CDH10: variants seen among roughly 807,000 people sequenced by gnomAD.
CDH10 encodes cadherin 10, also known as cadherin-10.
In CDH10, 30 loss-of-function variants were observed where a neutral mutation model predicts 73.1. The observed-to-expected ratio is 0.41, with a 90% CI of 0.31 to 0.56. The LOEUF is 0.56. Ranked by LOEUF, CDH10 falls within the 20% of genes least tolerant of loss-of-function variation. The probability of loss-of-function intolerance (pLI) is 0.27; values close to 1 mark genes in which losing one functional copy is unlikely to be tolerated. For missense variants in CDH10, 815 were observed against 973.7 expected, an observed-to-expected ratio of 0.84 and a Z score of 2.17; for synonymous variants, 345 against 348.2, an observed-to-expected ratio of 0.99 and a Z score of 0.10.
intron 2 of CDH10, among the ~76,000 whole-genome samples, chr5:24,573,677 G>C (rs1363523408): frequency 6.8e-6 from 1 of 146,362 alleles, no homozygotes; most frequent in Admixed American, 6.9e-5. Context: ...GTCCAGCCTG[G>C]GCGACAGAGC....
intron 6 of CDH10, 42 bp downstream of exon 6, chr5:24,511,285 T>C (rs1207450816): frequency 8.0e-7 from 1 of 1,244,168 alleles, no homozygotes; most frequent in South Asian, 1.3e-5. Context: ...CAATCCCTAC[T>C]CCTGAAACAC....
chr5:24,527,784 C>T (rs965514598), intron 5 of CDH10, among the ~76,000 whole-genome samples: 2 of 151,514 alleles, frequency 1.3e-5, no homozygotes, highest in East Asian at 1.9e-4. Context: ...TGTATAGTTA[C>T]AAAAGCAAGC....
At chr5:24,524,533 G>T (rs1476260498) in intron 5 of CDH10, among the ~76,000 whole-genome samples, 6 of 151,976 alleles carry the variant, frequency 3.9e-5, no homozygotes, top group Non-Finnish European at 8.8e-5. Context: ...TAATTATGTG[G>T]TACGCTTTCC....
At chr5:24,630,548 C>CT (rs1747669028) in intron 1 of CDH10, among the ~76,000 whole-genome samples, 1 of 75,092 alleles carries the variant, frequency 1.3e-5, no homozygotes, top group East Asian at 5.0e-4. Context: ...AAGAGATCAT[C>CT]TTAAAAAAAA....
At chr5:24,552,344 A>G (rs74855649) in intron 2 of CDH10, among the ~76,000 whole-genome samples, 2,236 of 152,152 alleles carry the variant, frequency 0.015, 55 homozygotes, top group African/African-American at 0.047. Context: ...AAATTGAAGA[A>G]AGGTCATTAT....
At chr5:24,634,106 C>T (rs1179077569) in intron 1 of CDH10, among the ~76,000 whole-genome samples, 2 of 151,736 alleles carry the variant, frequency 1.3e-5, no homozygotes, top group Middle Eastern at 3.2e-3. Context: ...TTCAAAAAAA[C>T]ACATGAAATG....
chr5:24,498,229 TA>T (rs1357296426), intron 9 of CDH10, among the ~76,000 whole-genome samples, 168 bp downstream of exon 9: 1 of 152,222 alleles, frequency 6.6e-6, no homozygotes, highest in East Asian at 1.9e-4. Flanking sequence ...TATATGGTTT[TA>T]AAAATATTTT....
intron 2 of CDH10, among the ~76,000 whole-genome samples, chr5:24,588,464 A>T (rs1431990131): frequency 6.6e-6 from 1 of 152,172 alleles, no homozygotes; most frequent in African/African-American, 2.4e-5. Context: ...GTCTCATTTC[A>T]GTTATGAAGT....
At position 24,537,449 on chromosome 5, in the gene CDH10, T is replaced by C. The variant is rs1743998586; in HGVS notation, c.457A>G (p.Ile153Val). ...ESEFVIKIHD[I>V]NDNEPTFPEE... is the part of the protein sequence containing the mutation. ...GGGAACGTTGGCTCATTGTCATTGA[T>C]ATCATGAATTTTGATCACAAACTCT... The change falls in exon 3 of 12, where the codon ATC (isoleucine) becomes GTC (valine). Residue 153 changes from isoleucine (I) to valine (V), a missense_variant. By Grantham distance (29) the Ile-to-Val change is conservative (BLOSUM62 3). Around this residue, in one of 3 missense-constraint regions of CDH10, gnomAD observed 516 missense variants for 636.6 expected, o/e 0.81. Transcript: ENST00000264463. The C allele has an allele frequency of 1.2e-6, 2 of 1,612,490 alleles. No individual in the cohort carries two copies.
chr5:24,521,888 C>A (rs13188622), intron 5 of CDH10, among the ~76,000 whole-genome samples: 1 of 151,904 alleles, frequency 6.6e-6, no homozygotes, highest in South Asian at 2.1e-4. Context: ...ATAATCCCAG[C>A]ACTTTGGGAG....
chr5:24,608,418 G>A (rs112635854), intron 1 of CDH10, among the ~76,000 whole-genome samples: 4,794 of 151,890 alleles, frequency 0.032, 140 homozygotes, highest in East Asian at 0.097. Flanking sequence ...TCAGCCTCCC[G>A]AGTAACTGGG....
At chr5:24,517,324 C>T (rs369690164) in intron 5 of CDH10, among the ~76,000 whole-genome samples, 1 of 152,106 alleles carries the variant, frequency 6.6e-6, no homozygotes, top group South Asian at 2.1e-4. Flanking sequence ...AAACACTGGT[C>T]AGTAATACCA....
chr5:24,527,872 CTGTG>C (rs927803534), intron 5 of CDH10, among the ~76,000 whole-genome samples: 2 of 151,486 alleles, frequency 1.3e-5, no homozygotes, highest in African/African-American at 2.4e-5. Flanking sequence ...GTACGTGTGT[CTGTG>C]TGTATCAGAG....
At chr5:24,644,504 T>A (rs917127411) in intron 1 of CDH10, 90 bp downstream of exon 1, 1 of 151,862 alleles carries the variant, frequency 6.6e-6, no homozygotes, top group African/African-American at 2.4e-5. Context: ...AAAACAAACA[T>A]TTATCTCCTC....
chr5:24,599,378 T>C (rs1028691527), intron 1 of CDH10, among the ~76,000 whole-genome samples: 8 of 152,132 alleles, frequency 5.3e-5, no homozygotes, highest in African/African-American at 1.9e-4. Flanking sequence ...CCAAGATGGT[T>C]TGTCATTGTT....
At chr5:24,500,328 G>C (rs1218027512) in intron 8 of CDH10, among the ~76,000 whole-genome samples, 2 of 152,222 alleles carry the variant, frequency 1.3e-5, no homozygotes, top group African/African-American at 4.8e-5. Context: ...AAGAAAGGCA[G>C]ACAGAATCGA....
At chr5:24,610,289 A>T (rs1392057164) in intron 1 of CDH10, among the ~76,000 whole-genome samples, 2 of 152,216 alleles carry the variant, frequency 1.3e-5, no homozygotes, top group Non-Finnish European at 2.9e-5. Context: ...TCCTAAACAT[A>T]CATGTGTTGG....
chr5:24,594,454 C>A (rs1440281404), intron 1 of CDH10, among the ~76,000 whole-genome samples: 1 of 151,740 alleles, frequency 6.6e-6, no homozygotes, highest in Admixed American at 6.6e-5. Flanking sequence ...ACAAAACACT[C>A]CAGTGGTTTC....
intron 2 of CDH10, among the ~76,000 whole-genome samples, chr5:24,551,217 A>G (rs995024729): frequency 5.3e-5 from 8 of 152,256 alleles, no homozygotes; most frequent in Middle Eastern, 3.4e-3. Context: ...TTACTATTCC[A>G]TGGAATGAGA....
Sources: allele counts gnomAD v4.1 joint callset (sites outside exome capture counted in the v4.1 genomes callset), GRCh38; gene constraint gnomAD v4.1.1; regional missense constraint gnomAD v4.1.1; transcripts MANE v1.5; gene names NCBI Gene and HGNC (gene_info 2026-07-23, HGNC 2026-07-21).